The following RMDN1 variants were observed in gnomAD, a reference collection of about 807,000 sequenced individuals.
RMDN1 encodes the protein regulator of microtubule dynamics protein 1.
Under a neutral mutation model 48.9 loss-of-function variants are expected in RMDN1, and 48 were observed. That is an observed-to-expected ratio of 0.98 (90% CI 0.78 to 1.25). The LOEUF (loss-of-function observed/expected upper bound fraction) is 1.25. Ranked by LOEUF, RMDN1 falls within the 50% of genes most tolerant of loss-of-function variation. The probability of loss-of-function intolerance (pLI) is 0.00; values close to 1 mark genes in which losing one functional copy is unlikely to be tolerated. For missense variants in RMDN1, 418 were observed against 373.4 expected (o/e 1.12, Z -0.98); for synonymous variants, 148 against 132.6 (o/e 1.12, Z -0.80).
At chr8:86,513,059 T>C (rs1038748614), upstream of RMDN1, among the ~76,000 whole-genome samples, 2 of 149,228 alleles carry the variant, frequency 1.3e-5, no homozygotes, top group African/African-American at 4.9e-5. Context: ...ATTGGGTGTT[T>C]TTTTTTTTCT....
rs1224144219 is a variant in RMDN1 at position 86,473,903 on chromosome 8, CCTT to C, written c.*402_*404del. The C allele has an allele frequency of 2.0e-6, 2 of 1,000,504 alleles. No homozygotes were observed. Among genetic ancestry groups the C allele is most frequent in the African/African-American group, 1.7e-5 (1 of 57,452 alleles). The allele number at this position is 1,000,504 out of a possible 1,614,324, so 62.0% of individuals were successfully genotyped here. ...CAACATCCTAACCACTGTCACCACACCTTCTCTTCAAGATTTCAACTTAGAATC... is the reference window on the plus strand; with the variant it reads ...CAACATCCTAACCACTGTCACCACACCTCTTCAAGATTTCAACTTAGAATC... On this transcript the variant is annotated 3_prime_UTR_variant, in exon 10 of 10. Coordinates refer to ENST00000406452, the MANE Select transcript of RMDN1 (RefSeq NM_016033.3).
downstream of RMDN1, chr8:86,468,623 G>A: frequency 2.2e-6 from 1 of 450,954 alleles, no homozygotes; most frequent in Non-Finnish European, 4.4e-6. Context: ...TTTGACTGAA[G>A]AAGGCAGCTT....
intron 2 of RMDN1, among the ~76,000 whole-genome samples, chr8:86,495,154 G>T (rs1244236713): frequency 6.6e-6 from 1 of 152,118 alleles, no homozygotes; most frequent in African/African-American, 2.4e-5. Context: ...AGAAGACATT[G>T]AGAGTGGATA....
At chr8:86,489,915 C>T (rs1183084085) in intron 2 of RMDN1, among the ~76,000 whole-genome samples, 1 of 149,340 alleles carries the variant, frequency 6.7e-6, no homozygotes, top group Non-Finnish European at 1.5e-5. Flanking sequence ...GTGATGCAAT[C>T]GTGTTTTTAA....
chr8:86,484,180 A>C (rs1190740742), intron 5 of RMDN1, among the ~76,000 whole-genome samples: 2 of 152,174 alleles, frequency 1.3e-5, no homozygotes, highest in Admixed American at 1.3e-4. Context: ...AACTTTGTAC[A>C]TTGGATCTTT....
At chr8:86,511,767 C>G (rs146936563), upstream of RMDN1, among the ~76,000 whole-genome samples, 1 of 147,876 alleles carries the variant, frequency 6.8e-6, no homozygotes, top group Non-Finnish European at 1.5e-5. Context: ...GAATCGTATT[C>G]GCACCACTGC....
chr8:86,511,836 GAAA>G (rs144306786), upstream of RMDN1, among the ~76,000 whole-genome samples: 1 of 143,294 alleles, frequency 7.0e-6, no homozygotes, highest in South Asian at 2.3e-4. Context: ...AAAAGAAAAA[GAAA>G]AAAAAAAGCT....
At position 86,504,747 on chromosome 8, in the gene RMDN1, G is replaced by A. The variant is rs561652526; in HGVS notation, c.247+2248C>T. On this transcript the variant is annotated intron_variant, in intron 2 of 9. Coordinates refer to ENST00000406452, the MANE Select transcript of RMDN1 (RefSeq NM_016033.3). The stretch of plus-strand genomic sequence containing the variant: ...TCCCATTTCCTGGTTTATTGTGGCC[G>A]AACTCTTCAGCCAGGGCCCCCGCCC... 2.1e-5 allele frequency: 22 copies of A among 1,044,916 alleles called. No homozygotes were observed. In the East Asian group the frequency reaches 2.1e-4, roughly 10 times the overall value. The allele number at this position is 1,044,916 out of a possible 1,614,324, so 64.7% of individuals were successfully genotyped here.
downstream of RMDN1, chr8:86,468,391 T>C (rs766706200): frequency 1.3e-5 from 6 of 452,618 alleles, no homozygotes; most frequent in South Asian, 9.5e-5. Context: ...CTTTTCCAAA[T>C]CCTTATTATG....
At chr8:86,507,147 T>C in intron 1 of RMDN1, 35 bp from the exon 2 acceptor site, 2 of 1,369,684 alleles carry the variant, frequency 1.5e-6, no homozygotes, top group East Asian at 2.3e-5. Flanking sequence ...TTACAAACTT[T>C]GAAAATTTGA....
At chr8:86,499,701 T>G (rs1586744887) in intron 2 of RMDN1, among the ~76,000 whole-genome samples, 1 of 152,242 alleles carries the variant, frequency 6.6e-6, no homozygotes, top group South Asian at 2.1e-4. Flanking sequence ...CTCTAAAATT[T>G]GTATGGAACC....
chr8:86,502,577 A>C (rs1293910589), intron 2 of RMDN1, among the ~76,000 whole-genome samples: 1 of 152,202 alleles, frequency 6.6e-6, no homozygotes, highest in African/African-American at 2.4e-5. Context: ...TATCTATATT[A>C]CGCCAATAAG....
downstream of RMDN1, among the ~76,000 whole-genome samples, chr8:86,471,867 C>T (rs1398644973): frequency 1.3e-5 from 2 of 152,120 alleles, no homozygotes; most frequent in South Asian, 2.1e-4. Flanking sequence ...CTGGCCTATT[C>T]AAAAAGTCAA....
chr8:86,468,794 A>C, downstream of RMDN1: 1 of 441,828 alleles, frequency 2.3e-6, no homozygotes, highest in East Asian at 7.0e-5. Context: ...CAAGACCTAC[A>C]GGCAGAGCTC....
intron 6 of RMDN1, 94 bp from the exon 7 acceptor site, chr8:86,479,104 T>C: frequency 1.1e-6 from 1 of 890,028 alleles, no homozygotes; most frequent in African/African-American, 1.7e-5. Flanking sequence ...AGGAATCTTC[T>C]ACTGTATGTT....
At chr8:86,477,385 A>G in intron 7 of RMDN1, 61 bp from the exon 8 acceptor site, 2 of 1,340,072 alleles carry the variant, frequency 1.5e-6, no homozygotes, top group African/African-American at 2.9e-5. Flanking sequence ...AATATTAAAA[A>G]AGCATTGTCT....
At chr8:86,508,435 G>T in intron 1 of RMDN1, 57 bp downstream of exon 1, 2 of 1,500,588 alleles carry the variant, frequency 1.3e-6, no homozygotes. Flanking sequence ...AAGTTAAGGG[G>T]GAGCCGGAAC....
upstream of RMDN1, among the ~76,000 whole-genome samples, chr8:86,512,143 G>C (rs1046957870): frequency 9.8e-5 from 15 of 152,320 alleles, no homozygotes; most frequent in East Asian, 2.9e-3. Context: ...TATGTATTTA[G>C]ATGATAGATT....
At chr8:86,511,582 A>T (rs1439054763), upstream of RMDN1, among the ~76,000 whole-genome samples, 1 of 152,142 alleles carries the variant, frequency 6.6e-6, no homozygotes, top group Non-Finnish European at 1.5e-5. Flanking sequence ...GGCCAAGGCC[A>T]GTGGATTTCT....
Sources: allele counts gnomAD v4.1 joint callset (sites outside exome capture counted in the v4.1 genomes callset), GRCh38; gene constraint gnomAD v4.1.1; transcripts MANE v1.5; gene names NCBI Gene and HGNC (gene_info 2026-07-23, HGNC 2026-07-21).